The following RALGPS1 variants were observed in gnomAD, a reference collection of about 807,000 sequenced individuals.
RALGPS1 encodes the protein ras-specific guanine nucleotide-releasing factor RalGPS1.
RALGPS1 carries 19 observed loss-of-function variants against 78.8 expected under a neutral mutation model. The observed-to-expected ratio is 0.24, with a 90% CI of 0.17 to 0.35. The LOEUF (loss-of-function observed/expected upper bound fraction) is 0.35, where lower values mean the gene tolerates loss of function less well. RALGPS1 is among the 10% of genes least tolerant of loss of function. The pLI, the probability that RALGPS1 is intolerant of heterozygous loss-of-function variation, is 1.00. For missense variants in RALGPS1, 454 were observed against 688.3 expected, an observed-to-expected ratio of 0.66 and a Z score of 3.81; for synonymous variants, 228 against 256.3, an observed-to-expected ratio of 0.89 and a Z score of 1.06.
At chr9:127,060,476 C>T (rs2049110521) in intron 7 of RALGPS1, among the ~76,000 whole-genome samples, 1 of 152,060 alleles carries the variant, frequency 6.6e-6, no homozygotes, top group African/African-American at 2.4e-5. Flanking sequence ...TAGAACTATG[C>T]CTGACTCATA....
intron 8 of RALGPS1, among the ~76,000 whole-genome samples, chr9:127,139,319 G>A (rs2057612859): frequency 6.6e-6 from 1 of 152,198 alleles, no homozygotes; most frequent in South Asian, 2.1e-4. Context: ...TGAGTGCCAG[G>A]TCCGAGGCAG....
intron 5 of RALGPS1, among the ~76,000 whole-genome samples, chr9:127,046,488 A>C (rs1024815160): frequency 6.6e-6 from 1 of 152,206 alleles, no homozygotes; most frequent in African/African-American, 2.4e-5. Flanking sequence ...GATATGTTCA[A>C]GTTGTTCTTC....
At chr9:126,923,558 G>A (rs575133089) in intron 1 of RALGPS1, among the ~76,000 whole-genome samples, 2 of 152,348 alleles carry the variant, frequency 1.3e-5, no homozygotes, top group South Asian at 4.1e-4. Flanking sequence ...TTAAGGTCTT[G>A]TTTCATGCTT....
intron 4 of RALGPS1, among the ~76,000 whole-genome samples, chr9:127,001,602 C>T (rs937393592): frequency 1.3e-5 from 2 of 152,032 alleles, no homozygotes; most frequent in African/African-American, 2.4e-5. Flanking sequence ...ATGCAATAAT[C>T]GGGCTGGGCG....
intron 5 of RALGPS1, among the ~76,000 whole-genome samples, chr9:127,048,232 C>T (rs544215980): frequency 6.0e-4 from 91 of 152,244 alleles, no homozygotes; most frequent in African/African-American, 2.1e-3. Context: ...CCACAGCACT[C>T]CTGCAACACC....
At chr9:127,143,051 T>A (rs1214916451) in intron 8 of RALGPS1, among the ~76,000 whole-genome samples, 2 of 152,224 alleles carry the variant, frequency 1.3e-5, no homozygotes, top group Non-Finnish European at 2.9e-5. Context: ...GTATTTTTTG[T>A]TAAGTAGTTA....
intron 1 of RALGPS1, among the ~76,000 whole-genome samples, chr9:126,937,078 G>A (rs989872144): frequency 1.6e-4 from 24 of 152,116 alleles, no homozygotes; most frequent in African/African-American, 5.3e-4. Flanking sequence ...TTGAACTCCT[G>A]ACCTCAGGTG....
At chr9:126,988,928 C>T (rs1047885799) in intron 4 of RALGPS1, among the ~76,000 whole-genome samples, 2 of 152,024 alleles carry the variant, frequency 1.3e-5, no homozygotes, top group African/African-American at 2.4e-5. Context: ...GCAATGTTGC[C>T]TTTAGGGAGG....
chr9:127,108,302 C>T, intron 8 of RALGPS1: 5 of 1,613,894 alleles, frequency 3.1e-6, no homozygotes, highest in Non-Finnish European at 4.2e-6. Context: ...CGGATGATCT[C>T]GTGCAGGAGC....
intron 7 of RALGPS1, among the ~76,000 whole-genome samples, chr9:127,067,621 C>T (rs534839680): frequency 7.9e-5 from 12 of 152,324 alleles, no homozygotes; most frequent in Admixed American, 6.5e-4. Context: ...TGAACACTGG[C>T]CTACGTCAGT....
chr9:127,174,658 AG>A, intron 10 of RALGPS1, 56 bp from the exon 11 acceptor site: 2 of 1,502,472 alleles, frequency 1.3e-6, no homozygotes, highest in Admixed American at 1.7e-5. Flanking sequence ...AGCCCCAAAC[AG>A]GTTCCTGTGT....
At chr9:127,174,299 GAGAA>G (rs971214859) in intron 10 of RALGPS1, among the ~76,000 whole-genome samples, 52 of 135,280 alleles carry the variant, frequency 3.8e-4, no homozygotes, top group Admixed American at 6.2e-4. Context: ...GAGAAAGAAA[GAGAA>G]AGAAAGAAAG....
intron 8 of RALGPS1, among the ~76,000 whole-genome samples, chr9:127,157,346 T>C (rs2058756010): frequency 6.6e-6 from 1 of 152,068 alleles, no homozygotes; most frequent in African/African-American, 2.4e-5. Flanking sequence ...TCATTAGTTT[T>C]TACCTGAATT....
intron 8 of RALGPS1, among the ~76,000 whole-genome samples, chr9:127,129,794 C>T (rs1378724422): frequency 1.3e-5 from 2 of 152,222 alleles, no homozygotes; most frequent in Non-Finnish European, 2.9e-5. Context: ...CAGACTACCC[C>T]ACCGCCTTCT....
intron 3 of RALGPS1, among the ~76,000 whole-genome samples, chr9:126,973,664 A>G (rs2040330400): frequency 6.6e-6 from 1 of 152,144 alleles, no homozygotes; most frequent in African/African-American, 2.4e-5. Flanking sequence ...CAGCAGTGTT[A>G]AGTACATTCA....
At chr9:126,923,026 C>T (rs937332857) in intron 1 of RALGPS1, among the ~76,000 whole-genome samples, 1 of 152,162 alleles carries the variant, frequency 6.6e-6, no homozygotes, top group African/African-American at 2.4e-5. Context: ...ACCAGCAGGT[C>T]CTCAGTGCCT....
At chr9:127,103,152 A>G (rs1159451704) in intron 8 of RALGPS1, among the ~76,000 whole-genome samples, 1 of 152,270 alleles carries the variant, frequency 6.6e-6, no homozygotes, top group African/African-American at 2.4e-5. Context: ...GAGCTACAAC[A>G]TCATATATTT....
chr9:127,146,667 G>A (rs534552497), intron 8 of RALGPS1, among the ~76,000 whole-genome samples: 281 of 151,202 alleles, frequency 1.9e-3, no homozygotes, highest in Middle Eastern at 3.4e-3. Flanking sequence ...CCTTAGTCTC[G>A]TGAGTAGCTG....
Position 127,220,757 on chromosome 9 carries a change from C to A in RALGPS1, c.*1988C>A, listed in dbSNP as rs761584505. On this transcript the variant is annotated 3_prime_UTR_variant, in exon 19 of 19. Coordinates refer to ENST00000259351, the MANE Select transcript of RALGPS1 (RefSeq NM_014636.3). ...GATGAAAGTGCAAGATGTGGAACAT[C>A]AACTACCTATTTTCCTTGGGTTTTT... 1.7e-4 allele frequency: 26 copies of A among 152,408 alleles called. No homozygotes were observed. Among genetic ancestry groups the A allele is most frequent in the Non-Finnish European group, 2.6e-4 (18 of 68,050 alleles). 9.4% of individuals were successfully genotyped at this position (152,408 alleles called of 1,614,324 possible).
Sources: gnomAD v4.1 joint callset for allele counts (sites outside exome capture counted in the v4.1 genomes callset) on GRCh38, gnomAD v4.1.1 for gene constraint, MANE v1.5 for transcripts, NCBI Gene and HGNC (gene_info 2026-07-23, HGNC 2026-07-21) for gene names.